The following SLC4A4 variants were observed in gnomAD, a reference collection of about 807,000 sequenced individuals.
SLC4A4 encodes solute carrier family 4 member 4, also known as electrogenic sodium bicarbonate cotransporter 1.
Under a neutral mutation model 111.5 loss-of-function variants are expected in SLC4A4, and 27 were observed. The ratio of observed to expected loss-of-function variants is 0.24; its 90% CI spans 0.18 to 0.33. SLC4A4 has a LOEUF of 0.33. SLC4A4 is among the 10% of genes least tolerant of loss of function. The probability of loss-of-function intolerance (pLI) is 1.00; values close to 1 mark genes in which losing one functional copy is unlikely to be tolerated. For missense variants in SLC4A4, 909 were observed against 1,315.5 expected, an observed-to-expected ratio of 0.69 and a Z score of 4.78; for synonymous variants, 443 against 463.4, an observed-to-expected ratio of 0.96 and a Z score of 0.57.
chr4:71,168,361 C>T (rs549974005), intron 2 of SLC4A4, among the ~76,000 whole-genome samples: 24 of 151,048 alleles, frequency 1.6e-4, no homozygotes, highest in African/African-American at 5.6e-4. Context: ...TTTTGTATTT[C>T]TAGTAGAGAT....
At chr4:71,129,994 G>A (rs1743659796) in intron 2 of SLC4A4, among the ~76,000 whole-genome samples, 1 of 152,046 alleles carries the variant, frequency 6.6e-6, no homozygotes, top group South Asian at 2.1e-4. Context: ...GATAGAGGGA[G>A]GAAGGAGGGT....
At chr4:71,129,784 C>CAAA (rs35737857) in intron 2 of SLC4A4, among the ~76,000 whole-genome samples, 76 of 75,504 alleles carry the variant, frequency 1.0e-3, no homozygotes, top group African/African-American at 1.6e-3. Context: ...TACCATGCAC[C>CAAA]AAAAAAAAAA....
Position 71,568,313 on chromosome 4 carries a change from C to T in SLC4A4, c.*562C>T, listed in dbSNP as rs2149262613. ...TTTGTCTGGTAGAACAAACCTTGACCTCCAGACAGAGTCCCTTCTCACTTA... is the reference window on the plus strand; with the variant it reads ...TTTGTCTGGTAGAACAAACCTTGACTTCCAGACAGAGTCCCTTCTCACTTA... On this transcript the variant is annotated 3_prime_UTR_variant, in exon 26 of 26. Transcript: ENST00000264485. The T allele has an allele frequency of 6.1e-6, 1 of 162,664 alleles. No individual in the cohort carries two copies. Among genetic ancestry groups the T allele is most frequent in the East Asian group, 1.9e-4 (1 of 5,232 alleles). The allele number at this position is 162,664 out of a possible 1,614,324, so 10.1% of individuals were successfully genotyped here.
At chr4:71,420,907 C>A in intron 7 of SLC4A4, among the ~76,000 whole-genome samples, 1 of 149,688 alleles carries the variant, frequency 6.7e-6, no homozygotes, top group African/African-American at 2.5e-5. Flanking sequence ...ACCATTGAGA[C>A]TAGGAAGAAA....
At chr4:71,307,811 G>A (rs1473372994) in intron 3 of SLC4A4, among the ~76,000 whole-genome samples, 1 of 152,160 alleles carries the variant, frequency 6.6e-6, no homozygotes, top group African/African-American at 2.4e-5. Flanking sequence ...CTCAAGGTGT[G>A]TGGAATCAAT....
At position 71,497,516 on chromosome 4, in the gene SLC4A4, T is replaced by C. The variant is rs772903468; in HGVS notation, c.1990T>C (p.Phe664Leu). 6.2e-7 allele frequency: 1 copy of C among 1,613,316 alleles called. No homozygotes were observed. Among genetic ancestry groups the C allele is most frequent in the South Asian group, 1.1e-5 (1 of 91,070 alleles). ...TCTTCTTCAGTACCATAATACTACCTTTGACTGGGCATTTTTGTCGAAGAA... is the reference window on the plus strand; with the variant it reads ...TCTTCTTCAGTACCATAATACTACCCTTGACTGGGCATTTTTGTCGAAGAA... ...SSTDMYHNTT[F>L]DWAFLSKKEC... Residue 664 changes from phenylalanine to leucine, a missense_variant, in exon 16 of 26, where the codon TTT (phenylalanine) becomes CTT (leucine). Physicochemically the swap from Phe to Leu is conservative, Grantham distance 22 (BLOSUM62 0). Coordinates refer to ENST00000264485, the MANE Select transcript of SLC4A4 (RefSeq NM_001098484.3).
At chr4:71,233,757 T>G (rs1281207559) in intron 1 of SLC4A4, among the ~76,000 whole-genome samples, 1 of 152,158 alleles carries the variant, frequency 6.6e-6, no homozygotes, top group South Asian at 2.1e-4. Context: ...AACTTGTTTC[T>G]CCCATAGCCT....
rs563558335 is a variant in SLC4A4 at position 71,406,311 on chromosome 4, A to C, written c.807+8658A>C. 1.3e-3 allele frequency among the ~76,000 whole-genome samples: 116 copies of C among 92,300 alleles called. 1 individual carries two copies. The highest frequency in any genetic ancestry group is 4.6e-3 in the African/African-American group (104 of 22,468). The allele number at this position is 92,300 out of a possible 152,430, so 60.6% of individuals were successfully genotyped here. On this transcript the variant is annotated intron_variant, in intron 7 of 25. Transcript: ENST00000264485. ...GTCAACTGAAATGGCTAATAAAAAG[A>C]TGAGCCAACACTTTTTTTTTTAACA...
intron 2 of SLC4A4, among the ~76,000 whole-genome samples, chr4:71,120,505 C>G (rs933706099): frequency 3.9e-5 from 6 of 152,176 alleles, no homozygotes; most frequent in African/African-American, 1.4e-4. Context: ...TCCCTCTAGT[C>G]TCTACTTTTC....
intron 2 of SLC4A4, among the ~76,000 whole-genome samples, chr4:71,103,628 C>T (rs1033224088): frequency 5.3e-5 from 8 of 152,164 alleles, no homozygotes; most frequent in Non-Finnish European, 7.4e-5. Context: ...CACTCAAAAC[C>T]GCTCAACTAC....
chr4:71,367,474 T>G (rs764819084), intron 6 of SLC4A4, among the ~76,000 whole-genome samples: 2 of 152,160 alleles, frequency 1.3e-5, no homozygotes. Flanking sequence ...CCTAATTCAT[T>G]TAATTTAGCT....
At chr4:71,481,293 C>G (rs1728859819) in intron 14 of SLC4A4, among the ~76,000 whole-genome samples, 2 of 151,698 alleles carry the variant, frequency 1.3e-5, no homozygotes. Flanking sequence ...CCAGTTGTTG[C>G]TTACACTTGA....
intron 4 of SLC4A4, among the ~76,000 whole-genome samples, chr4:71,346,404 A>T (rs1219340299): frequency 6.6e-6 from 1 of 151,900 alleles, no homozygotes; most frequent in Admixed American, 6.6e-5. Flanking sequence ...ATATGTAGTT[A>T]TTCATAGTTA....
chr4:71,212,442 T>C (rs1373402815), intron 1 of SLC4A4, among the ~76,000 whole-genome samples: 1 of 152,208 alleles, frequency 6.6e-6, no homozygotes, highest in Non-Finnish European at 1.5e-5. Flanking sequence ...AGGTGGGGGT[T>C]GCCCTTGCTG....
chr4:71,268,075 GTTTTTT>G (rs10657146), intron 3 of SLC4A4, among the ~76,000 whole-genome samples: 1 of 87,586 alleles, frequency 1.1e-5, no homozygotes, highest in African/African-American at 4.5e-5. Context: ...ATAAAGTAGT[GTTTTTT>G]TTTTTTTTTT....
rs1271553868 is a variant in SLC4A4, at chr4:71,339,478, A to G, written c.362A>G (p.Gln121Arg). Reference sequence around the variant, plus strand: ...GATGAGCTGCTGGCCGTGGATGGGCAGGAGATGGAGTGGAAGGAAACAGCC... The same window carrying G: ...GATGAGCTGCTGGCCGTGGATGGGCGGGAGATGGAGTGGAAGGAAACAGCC... ...ELDELLAVDG[Q>R]EMEWKETARW... The change falls in exon 4 of 26, where the codon CAG becomes CGG. Residue 121 changes from glutamine (Q) to arginine (R), a missense_variant. This residue lies in a region of SLC4A4 where 117 missense variants were observed against 154.2 expected (regional missense o/e 0.76). Coordinates refer to ENST00000264485, the MANE Select transcript of SLC4A4 (RefSeq NM_001098484.3). 6.2e-7 allele frequency: 1 copy of G among 1,613,848 alleles called. No homozygotes were observed. The highest frequency in any genetic ancestry group is 2.2e-5 in the East Asian group (1 of 44,874).
intron 5 of SLC4A4, among the ~76,000 whole-genome samples, chr4:71,351,603 C>A (rs1729841294): frequency 6.6e-6 from 1 of 152,050 alleles, no homozygotes; most frequent in Non-Finnish European, 1.5e-5. Context: ...GCCTGTAATC[C>A]CAGCACTTTT....
At chr4:71,089,693 C>T (rs1206802211) in intron 1 of SLC4A4, among the ~76,000 whole-genome samples, 3 of 151,946 alleles carry the variant, frequency 2.0e-5, no homozygotes, top group Non-Finnish European at 2.9e-5. Context: ...GTATCTGCAG[C>T]GGAGGCTGCA....
chr4:71,265,628 C>G (rs1243765769), intron 3 of SLC4A4, among the ~76,000 whole-genome samples: 1 of 152,188 alleles, frequency 6.6e-6, no homozygotes, highest in Non-Finnish European at 1.5e-5. Context: ...AGGACCAGCT[C>G]TCTACATCCA....
Sources: gnomAD v4.1 joint callset for allele counts (sites outside exome capture counted in the v4.1 genomes callset) on GRCh38, gnomAD v4.1.1 for gene constraint, gnomAD v4.1.1 regional missense constraint, MANE v1.5 for transcripts, NCBI Gene and HGNC (gene_info 2026-07-23, HGNC 2026-07-21) for gene names.